INPP5A: variants seen among roughly 807,000 people sequenced by gnomAD.
The protein encoded by INPP5A is inositol polyphosphate-5-phosphatase A.
INPP5A carries 14 observed loss-of-function variants against 65.2 expected under a neutral mutation model. The ratio of observed to expected loss-of-function variants is 0.21; its 90% CI spans 0.14 to 0.34. The LOEUF is 0.34. Ranked by LOEUF, INPP5A falls within the 10% of genes least tolerant of loss-of-function variation. The probability of loss-of-function intolerance (pLI) is 1.00; values close to 1 mark genes in which losing one functional copy is unlikely to be tolerated. For missense variants in INPP5A, 431 were observed against 545.6 expected, an observed-to-expected ratio of 0.79 and a Z score of 2.09; for synonymous variants, 207 against 208.3, an observed-to-expected ratio of 0.99 and a Z score of 0.05.
Position 132,651,010 on chromosome 10 carries a change from AG to A in INPP5A, c.306+508del, listed in dbSNP as rs1327656580. On this transcript the variant is annotated intron_variant, in intron 4 of 15. Transcript: ENST00000368594. This position sits in a 1 kb window ranked among gnomAD's most constrained non-coding sequence, Gnocchi z 5.0. Reference sequence around the variant, plus strand: ...GGGGGAGTGGGACAGAGCCTTCCACAGGGCTGGGAAAGACCTGTCCCTCCTC... The same window carrying A: ...GGGGGAGTGGGACAGAGCCTTCCACAGGCTGGGAAAGACCTGTCCCTCCTC... 6.6e-6 allele frequency among the ~76,000 whole-genome samples: 1 copy of A among 152,066 alleles called. No individual in the cohort carries two copies. Among genetic ancestry groups the A allele is most frequent in the Admixed American group, 6.5e-5 (1 of 15,276 alleles).
chr10:132,625,412 A>T (rs1214702098), intron 2 of INPP5A, among the ~76,000 whole-genome samples: 1 of 151,966 alleles, frequency 6.6e-6, no homozygotes, highest in African/African-American at 2.4e-5. Flanking sequence ...ATAAATATTC[A>T]TGTCTTGGTT....
In INPP5A at chr10:132,727,120, C is replaced by G. The variant is rs948389854; in HGVS notation, c.732+215C>G. On this transcript the variant is annotated intron_variant, in intron 9 of 15. Transcript: ENST00000368594. This position sits in a 1 kb window ranked among gnomAD's most constrained non-coding sequence, Gnocchi z 6.5. ...GGTGCGCGGGCCCTCAAGGTTGCCC[C>G]GGATGGCGGGTGACAGTGCTGTGGG... 1.2e-5 allele frequency: 5 copies of G among 416,152 alleles called. No individual in the cohort carries two copies. In the East Asian group the frequency reaches 1.5e-4, roughly 13 times the overall value. 25.8% of individuals were successfully genotyped at this position (416,152 alleles called of 1,614,324 possible).
intron 1 of INPP5A, among the ~76,000 whole-genome samples, chr10:132,586,069 T>C (rs1471312140): frequency 6.6e-6 from 1 of 152,146 alleles, no homozygotes; most frequent in African/African-American, 2.4e-5. Flanking sequence ...GGTCAGGTGA[T>C]CTTAGGGACA....
At chr10:132,734,543 T>A (rs1846143153) in intron 9 of INPP5A, among the ~76,000 whole-genome samples, 1 of 152,240 alleles carries the variant, frequency 6.6e-6, no homozygotes, top group African/African-American at 2.4e-5. Flanking sequence ...GCTGAGGTTC[T>A]GGGTGGGTGA....
rs1417062186 is a variant in INPP5A, at chr10:132,663,823, A to G, written c.306+13318A>G. Among the ~76,000 whole-genome samples the G allele has an allele frequency of 2.6e-5, 4 of 152,126 alleles. No homozygotes were observed. The highest frequency in any genetic ancestry group is 5.9e-5 in the Non-Finnish European group (4 of 68,020). Reference sequence around the variant, plus strand: ...TCCTCTTCTGAGCCGTGAGCTGGGCAGGGCCGCGCTCACATCATTCCTCTC... The same window carrying G: ...TCCTCTTCTGAGCCGTGAGCTGGGCGGGGCCGCGCTCACATCATTCCTCTC... On this transcript the variant is annotated intron_variant, in intron 4 of 15. Transcript: ENST00000368594. This position sits in a 1 kb window ranked among gnomAD's most constrained non-coding sequence, Gnocchi z 4.5.
intron 1 of INPP5A, among the ~76,000 whole-genome samples, chr10:132,592,006 G>A (rs1212041837): frequency 1.3e-5 from 2 of 152,186 alleles, no homozygotes; most frequent in Non-Finnish European, 1.5e-5. Flanking sequence ...GGTATTCAGC[G>A]TGGTATTCAG....
intron 8 of INPP5A, among the ~76,000 whole-genome samples, chr10:132,712,330 G>A (rs1029433352): frequency 6.6e-6 from 1 of 152,036 alleles, no homozygotes; most frequent in African/African-American, 2.4e-5. Context: ...TTTGTGTGGG[G>A]GTGGGTGTGC....
intron 9 of INPP5A, among the ~76,000 whole-genome samples, chr10:132,747,635 G>C (rs1245630751): frequency 2.0e-5 from 3 of 152,252 alleles, no homozygotes; most frequent in Admixed American, 6.5e-5. Context: ...GGGCACCGAG[G>C]TGCTCCTCAG....
chr10:132,596,858 CATGTGT>C (rs775959905), intron 1 of INPP5A, among the ~76,000 whole-genome samples: 3 of 81,588 alleles, frequency 3.7e-5, no homozygotes, highest in Admixed American at 1.2e-4. Flanking sequence ...CGTGTGTGTG[CATGTGT>C]GTGCATGTGT....
At chr10:132,635,386 ATTT>A (rs775271931) in intron 2 of INPP5A, among the ~76,000 whole-genome samples, 186 of 54,468 alleles carry the variant, frequency 3.4e-3, no homozygotes, top group African/African-American at 0.013. Context: ...CTTTTTAAAG[ATTT>A]TTTTTTTTTT....
At chr10:132,623,361 C>T (rs977319904) in intron 2 of INPP5A, among the ~76,000 whole-genome samples, 1 of 150,002 alleles carries the variant, frequency 6.7e-6, no homozygotes, top group African/African-American at 2.5e-5. Context: ...TAGGATTGAC[C>T]AGGGGGTAAA....
rs2133308075 is a variant in INPP5A at position 132,587,370 on chromosome 10, C to T, written c.76-20545C>T. ...AGGAGCAGTTGGGTGGCCCAGCCTG[C>T]TTCTGCTGCTGCCAGCACAGCCCAT... is the stretch of plus-strand genomic sequence containing the variant. On this transcript the variant is annotated intron_variant, in intron 1 of 15. Coordinates refer to ENST00000368594, the MANE Select transcript of INPP5A (RefSeq NM_005539.5). The surrounding 1 kb of genome is among the most constrained non-coding windows in gnomAD (Gnocchi z 4.3). Among the ~76,000 whole-genome samples the T allele has an allele frequency of 6.6e-6, 1 of 152,300 alleles. No homozygotes were observed. The highest frequency in any genetic ancestry group is 2.1e-4 in the South Asian group (1 of 4,826).
intron 8 of INPP5A, among the ~76,000 whole-genome samples, chr10:132,722,361 A>G (rs914038610): frequency 6.6e-6 from 1 of 152,114 alleles, no homozygotes; most frequent in African/African-American, 2.4e-5. Flanking sequence ...TCTCACGGCC[A>G]GTTTGCTTCC....
At chr10:132,649,539 A>T (rs1175807367) in intron 3 of INPP5A, among the ~76,000 whole-genome samples, 1 of 152,200 alleles carries the variant, frequency 6.6e-6, no homozygotes, top group Non-Finnish European at 1.5e-5. Context: ...CCACATGGGG[A>T]TCAGTGTGGG....
At chr10:132,719,480 G>A (rs1235194455) in intron 8 of INPP5A, among the ~76,000 whole-genome samples, 1 of 128,840 alleles carries the variant, frequency 7.8e-6, no homozygotes, top group Non-Finnish European at 1.6e-5. Flanking sequence ...CGGCTGTCTT[G>A]CGGGTTCTGT....
chr10:132,754,582 A>ACC (rs1378898293), intron 11 of INPP5A, among the ~76,000 whole-genome samples: 4 of 152,214 alleles, frequency 2.6e-5, no homozygotes, highest in African/African-American at 9.6e-5. Context: ...TTCACTTCAA[A>ACC]CCACACACGA....
chr10:132,763,841 A>G (rs1846781844), intron 11 of INPP5A, among the ~76,000 whole-genome samples: 1 of 152,252 alleles, frequency 6.6e-6, no homozygotes, highest in South Asian at 2.1e-4. Context: ...ATGCAAACAC[A>G]CACATGCCTG....
intron 11 of INPP5A, among the ~76,000 whole-genome samples, chr10:132,764,905 TC>T (rs1846812618): frequency 1.3e-5 from 1 of 79,066 alleles, no homozygotes; most frequent in Non-Finnish European, 2.6e-5. Flanking sequence ...AGGAACACGG[TC>T]GGGCCAGTCC....
intron 8 of INPP5A, among the ~76,000 whole-genome samples, chr10:132,719,718 C>A (rs1263057315): frequency 4.1e-4 from 61 of 148,290 alleles, no homozygotes; most frequent in Non-Finnish European, 3.4e-4. Flanking sequence ...TCTGTCTGGG[C>A]GCCTTAGACG....
Sources: allele counts gnomAD v4.1 joint callset (sites outside exome capture counted in the v4.1 genomes callset), GRCh38; gene constraint gnomAD v4.1.1; non-coding constraint Gnocchi (gnomAD v3.1); transcripts MANE v1.5; gene names NCBI Gene and HGNC (gene_info 2026-07-23, HGNC 2026-07-21).